The following ADK variants were observed in gnomAD, a reference collection of about 807,000 sequenced individuals.
The protein encoded by ADK is adenosine kinase, also known as N6,N6-dimethyladenosine kinase.
Under a neutral mutation model 44.7 loss-of-function variants are expected in ADK, and 24 were observed. The ratio of observed to expected loss-of-function variants is 0.54; its 90% CI spans 0.39 to 0.76. The LOEUF is 0.76. Among genes scored for constraint, ADK ranks in the 30% least tolerant of loss-of-function variants. The pLI is 0.00. For missense variants in ADK, 321 were observed against 425.1 expected (o/e 0.76, Z 2.15); for synonymous variants, 128 against 142.6 (o/e 0.90, Z 0.73).
chr10:74,647,950 T>C (rs1229386334), intron 9 of ADK, among the ~76,000 whole-genome samples: 1 of 152,212 alleles, frequency 6.6e-6, no homozygotes, highest in Admixed American at 6.5e-5. Flanking sequence ...CTTGAAAAGC[T>C]TTCCTATCTT....
intron 7 of ADK, among the ~76,000 whole-genome samples, chr10:74,579,097 GGT>G (rs1344881494): frequency 6.6e-6 from 1 of 152,054 alleles, no homozygotes; most frequent in African/African-American, 2.4e-5. Flanking sequence ...AGCCGGGTGT[GGT>G]GGCGTGTGTC....
intron 4 of ADK, among the ~76,000 whole-genome samples, chr10:74,363,206 G>T (rs184673545): frequency 6.6e-6 from 1 of 152,224 alleles, no homozygotes; most frequent in East Asian, 1.9e-4. Flanking sequence ...AGTTGGGCGT[G>T]TGTCTCCCAG....
intron 2 of ADK, among the ~76,000 whole-genome samples, chr10:74,211,254 T>G (rs1286199574): frequency 6.6e-6 from 1 of 152,220 alleles, no homozygotes; most frequent in Non-Finnish European, 1.5e-5. Flanking sequence ...GTTTTGTATA[T>G]TTAGGTCTTT....
At chr10:74,211,771 A>T (rs975371557) in intron 2 of ADK, among the ~76,000 whole-genome samples, 10 of 152,220 alleles carry the variant, frequency 6.6e-5, no homozygotes, top group Admixed American at 6.5e-4. Flanking sequence ...TTAAATTTTA[A>T]TAGATATAAT....
At chr10:74,610,044 A>T (rs1409808059) in intron 9 of ADK, among the ~76,000 whole-genome samples, 1 of 152,168 alleles carries the variant, frequency 6.6e-6, no homozygotes, top group East Asian at 1.9e-4. Context: ...TAAGAGTAAC[A>T]GGCTGGGCAA....
At chr10:74,705,841 G>A (rs1184847588) in intron 10 of ADK, among the ~76,000 whole-genome samples, 1 of 152,214 alleles carries the variant, frequency 6.6e-6, no homozygotes, top group Non-Finnish European at 1.5e-5. Flanking sequence ...CGAGTGTGCA[G>A]TGGTATCTAA....
At position 74,580,730 on chromosome 10, in the gene ADK, T is replaced by G. The variant is rs1851347116; in HGVS notation, c.727-8552T>G. On this transcript the variant is annotated intron_variant, in intron 7 of 10. Coordinates refer to ENST00000539909, the MANE Select transcript of ADK (RefSeq NM_006721.4). Reference sequence around the variant, plus strand: ...TAAGTCCAAATAAACCTCTTTCTTTTGTAAACTGCCCAGTCTTGGGTATGT... The same window carrying G: ...TAAGTCCAAATAAACCTCTTTCTTTGGTAAACTGCCCAGTCTTGGGTATGT... Among the ~76,000 whole-genome samples the G allele has an allele frequency of 2.0e-5, 3 of 152,280 alleles. No individual in the cohort carries two copies. The South Asian group carries it at 6.2e-4, about 32-fold the overall frequency.
chr10:74,594,985 G>A (rs1851852714), intron 8 of ADK, among the ~76,000 whole-genome samples: 2 of 152,060 alleles, frequency 1.3e-5, no homozygotes, highest in South Asian at 4.1e-4. Flanking sequence ...AGACCAGCCT[G>A]GCCAACATGG....
At chr10:74,437,267 C>G (rs1039254861) in intron 6 of ADK, among the ~76,000 whole-genome samples, 2 of 152,078 alleles carry the variant, frequency 1.3e-5, no homozygotes, top group East Asian at 3.8e-4. Flanking sequence ...TATTTATTGT[C>G]ATAGGTTTCT....
chr10:74,253,088 A>C (rs1845704549), intron 3 of ADK, among the ~76,000 whole-genome samples: 1 of 152,220 alleles, frequency 6.6e-6, no homozygotes, highest in Admixed American at 6.5e-5. Context: ...TGAGCCCCAA[A>C]GTGGGGCTCA....
chr10:74,314,877 T>C, intron 4 of ADK, 132 bp downstream of exon 4: 1 of 678,108 alleles, frequency 1.5e-6, no homozygotes, highest in Non-Finnish European at 2.6e-6. Context: ...ATTTTAGTAG[T>C]CATTGCACAT....
At chr10:74,183,193 A>G (rs563944667) in intron 1 of ADK, among the ~76,000 whole-genome samples, 2 of 152,240 alleles carry the variant, frequency 1.3e-5, no homozygotes, top group South Asian at 4.1e-4. Flanking sequence ...CTTTGACCTC[A>G]CAAAGTGCTG....
chr10:74,484,282 ACT>A (rs1847189476), intron 6 of ADK, among the ~76,000 whole-genome samples: 1 of 152,034 alleles, frequency 6.6e-6, no homozygotes, highest in African/African-American at 2.4e-5. Flanking sequence ...GGTGCTACAC[ACT>A]GTTTAACATC....
chr10:74,326,535 TAGG>T (rs1183347134), intron 4 of ADK, among the ~76,000 whole-genome samples: 1 of 151,916 alleles, frequency 6.6e-6, no homozygotes, highest in Non-Finnish European at 1.5e-5. Flanking sequence ...TGCTTGAGCT[TAGG>T]AGGTGGAGGC....
At chr10:74,295,487 T>C (rs1401161801) in intron 3 of ADK, among the ~76,000 whole-genome samples, 1 of 151,924 alleles carries the variant, frequency 6.6e-6, no homozygotes, top group Non-Finnish European at 1.5e-5. Flanking sequence ...TTTTTTTAAA[T>C]GAAAAATCTC....
intron 3 of ADK, among the ~76,000 whole-genome samples, chr10:74,273,462 T>C (rs888134606): frequency 1.3e-5 from 2 of 151,924 alleles, no homozygotes; most frequent in Admixed American, 6.6e-5. Flanking sequence ...TCTTCTTCTT[T>C]TTTTTTTTCT....
At chr10:74,459,732 AAAAAAAAAAAG>A (rs1317389029) in intron 6 of ADK, among the ~76,000 whole-genome samples, 2 of 146,042 alleles carry the variant, frequency 1.4e-5, no homozygotes, top group Non-Finnish European at 1.5e-5. Flanking sequence ...CATCTCAAAA[AAAAAAAAAAAG>A]AAAAAAAAGA....
At chr10:74,240,706 T>C (rs897957742) in intron 3 of ADK, among the ~76,000 whole-genome samples, 3 of 152,198 alleles carry the variant, frequency 2.0e-5, no homozygotes, top group African/African-American at 7.2e-5. Flanking sequence ...TGTCAACTTA[T>C]ATAATTGAGG....
At chr10:74,371,705 G>A (rs1302415670) in intron 4 of ADK, 1 of 1,295,230 alleles carries the variant, frequency 7.7e-7, no homozygotes, top group South Asian at 1.2e-5. Context: ...CCTGGGAGAA[G>A]CTTCTGCTGG....
Sources: gnomAD v4.1 joint callset for allele counts (sites outside exome capture counted in the v4.1 genomes callset) on GRCh38, gnomAD v4.1.1 for gene constraint, MANE v1.5 for transcripts, NCBI Gene and HGNC (gene_info 2026-07-23, HGNC 2026-07-21) for gene names.